Variants in ICE1 observed in about 807,000 individuals in gnomAD.
ICE1 encodes little elongation complex subunit 1.
ICE1 carries 64 observed loss-of-function variants against 192.7 expected under a neutral mutation model. The observed-to-expected ratio is 0.33, with a 90% confidence interval of 0.27 to 0.41. The LOEUF (loss-of-function observed/expected upper bound fraction) is 0.41, where lower values mean the gene tolerates loss of function less well. ICE1 is among the 10% of genes least tolerant of loss of function. ICE1 has a pLI of 1.00. For synonymous variants in ICE1, 1,010 were observed against 984.5 expected (o/e 1.03, Z -0.49); for missense variants, 2,708 against 2,696.0 (o/e 1.00, Z -0.10).
chr5:5,454,242 C>A (rs868515569), intron 10 of ICE1, among the ~76,000 whole-genome samples: 1 of 152,156 alleles, frequency 6.6e-6, no homozygotes, highest in South Asian at 2.1e-4. Flanking sequence ...TCATTTGTCC[C>A]ATGCATACAT....
At chr5:5,476,185 T>C (rs1169002866) in intron 17 of ICE1, 106 bp downstream of exon 17, 1 of 596,040 alleles carries the variant, frequency 1.7e-6, no homozygotes, top group Non-Finnish European at 2.8e-6. Flanking sequence ...AAATTTCTGA[T>C]TTTACAACCA....
intron 12 of ICE1, among the ~76,000 whole-genome samples, chr5:5,459,843 C>T (rs2111374760): frequency 6.6e-6 from 1 of 152,222 alleles, no homozygotes; most frequent in Non-Finnish European, 1.5e-5. Context: ...GGTTCTGGAG[C>T]AGAGGTGGCT....
At chr5:5,445,406 A>C (rs372694306) in intron 7 of ICE1, among the ~76,000 whole-genome samples, 2 of 152,062 alleles carry the variant, frequency 1.3e-5, no homozygotes, top group East Asian at 1.9e-4. Flanking sequence ...AAATTTTTTT[A>C]ATTTTTAAAC....
At position 5,461,388 on chromosome 5, in the gene ICE1, T is replaced by C; in HGVS notation, c.2054T>C (p.Leu685Pro). The change falls in exon 13 of 19, where the codon CTG becomes CCG. Residue 685 changes from leucine (L) to proline (P), a missense_variant. By Grantham distance (98) the Leu-to-Pro change is moderately conservative. Transcript: ENST00000296564. ...LQTKTLNTLH[L>P]QSEPPECSIG... is the part of the protein sequence containing the mutation. Reference sequence around the variant, plus strand: ...ACTAAAACTTTAAACACATTACATCTGCAGTCTGAGCCACCGGAGTGTTCT... The same window carrying C: ...ACTAAAACTTTAAACACATTACATCCGCAGTCTGAGCCACCGGAGTGTTCT... 6.2e-7 allele frequency: 1 copy of C among 1,613,956 alleles called. No homozygotes were observed. Among genetic ancestry groups the C allele is most frequent in the Admixed American group, 1.7e-5 (1 of 60,022 alleles).
intron 16 of ICE1, among the ~76,000 whole-genome samples, chr5:5,475,391 A>G (rs1333747505): frequency 3.3e-5 from 5 of 152,212 alleles, no homozygotes; most frequent in Non-Finnish European, 7.3e-5. Context: ...TCTTTTGTCT[A>G]CATTAAACTT....
intron 17 of ICE1, among the ~76,000 whole-genome samples, chr5:5,480,361 T>G (rs1739470693): frequency 6.6e-6 from 1 of 150,814 alleles, no homozygotes; most frequent in East Asian, 2.0e-4. Context: ...GCCATTCTCC[T>G]GCCTCAGCTT....
chr5:5,437,933 T>C (rs1331176866), intron 3 of ICE1: 1 of 152,288 alleles, frequency 6.6e-6, no homozygotes. Context: ...ATATGATTTA[T>C]GTCATACCTG....
chr5:5,470,110 A>G (rs955390073), intron 15 of ICE1, among the ~76,000 whole-genome samples: 4 of 152,054 alleles, frequency 2.6e-5, no homozygotes, highest in African/African-American at 9.7e-5. Flanking sequence ...TGCCTCGAGC[A>G]TTACCTGCCC....
chr5:5,474,276 T>C (rs1016646399), intron 16 of ICE1, among the ~76,000 whole-genome samples: 5 of 152,114 alleles, frequency 3.3e-5, no homozygotes, highest in African/African-American at 4.8e-5. Flanking sequence ...TATTTTTCTT[T>C]AGTACCTGTC....
In ICE1 at chr5:5,461,679, G is replaced by C; in HGVS notation, c.2345G>C (p.Gly782Ala). The C allele has an allele frequency of 6.2e-7, 1 of 1,613,850 alleles. No individual in the cohort carries two copies. The highest frequency in any genetic ancestry group is 8.5e-7 in the Non-Finnish European group (1 of 1,179,866). The change falls in exon 13 of 19, where the codon GGT becomes GCT. Residue 782 changes from glycine (G) to alanine (A), a missense_variant. Physicochemically the swap from Gly to Ala is moderately conservative, Grantham distance 60. Transcript: ENST00000296564. ...IGSQAALIKS[G>A]LGFVKSTSWH... ...TCTCAGGCTGCCTTGATCAAGAGTG[G>C]TTTGGGTTTTGTTAAAAGTACTTCA...
At chr5:5,466,206 A>T in intron 13 of ICE1, 128 bp from the exon 14 acceptor site, 1 of 766,966 alleles carries the variant, frequency 1.3e-6, no homozygotes, top group Non-Finnish European at 2.0e-6. Context: ...ACTATGCTCT[A>T]CCTTCTGATG....
chr5:5,435,670 TTTGTTTTGTTTTTG>T (rs1205072952), intron 1 of ICE1, among the ~76,000 whole-genome samples: 15 of 115,770 alleles, frequency 1.3e-4, no homozygotes, highest in South Asian at 8.6e-4. Flanking sequence ...TTTTTTTTTT[TTTGTTTTGTTTTTG>T]TTTTTTTTTT....
intron 17 of ICE1, among the ~76,000 whole-genome samples, chr5:5,481,477 T>C (rs1279548776): frequency 6.6e-6 from 1 of 152,178 alleles, no homozygotes; most frequent in Admixed American, 6.5e-5. Flanking sequence ...CTCTTCTAAC[T>C]AGTGTTTATC....
rs888750622 is a variant in ICE1 at position 5,461,566 on chromosome 5, G to C, written c.2232G>C (p.Met744Ile). The change falls in exon 13 of 19, where the codon ATG becomes ATC. Residue 744 changes from methionine to isoleucine, a missense_variant. Physicochemically the swap from Met to Ile is conservative, Grantham distance 10 (BLOSUM62 1). Transcript: ENST00000296564. The stretch of plus-strand genomic sequence containing the variant: ...ATTCACTTCCTCGGTCAGTATTTAT[G>C]AAAGCTACAAAAGATGGGCAATGTG... ...KIHSLPRSVFMKATKDGQCES... is the reference protein window; with the variant it reads ...KIHSLPRSVFIKATKDGQCES... The C allele has an allele frequency of 1.9e-6, 3 of 1,613,026 alleles. No individual in the cohort carries two copies. Among genetic ancestry groups the C allele is most frequent in the East Asian group, 2.2e-5 (1 of 44,886 alleles).
chr5:5,468,024 G>A (rs2111390901), intron 14 of ICE1, among the ~76,000 whole-genome samples: 1 of 152,290 alleles, frequency 6.6e-6, no homozygotes, highest in East Asian at 1.9e-4. Context: ...CCATCAGCAG[G>A]TGAATGGAAA....
rs796833224 is a variant in ICE1, at chr5:5,447,965, G to A, written c.604+68G>A. The A allele has an allele frequency of 1.3e-5, 16 of 1,239,338 alleles. No homozygotes were observed. The African/African-American group carries it at 2.4e-4, about 19-fold the overall frequency. The allele number at this position is 1,239,338 out of a possible 1,614,324, so 76.8% of individuals were successfully genotyped here. On this transcript the variant is annotated intron_variant, in intron 10 of 18. Coordinates refer to ENST00000296564, the MANE Select transcript of ICE1 (RefSeq NM_015325.3). ...TTAGTGGGTTGTGAGACTGTGTTTT[G>A]CTCCTACATATAATTGTGAAAGTGC...
In ICE1 at chr5:5,466,445, C is replaced by T. The variant is rs770825015; in HGVS notation, c.6004C>T (p.Arg2002Trp). ...CTGCAGGGTGTATGTGGGTATTTGT[C>T]GGCAACTCGGAGACTTGGAAAGAGC... ...ALCRVYVGIC[R>W]QLGDLERARL... The change falls in exon 14 of 19, where the codon CGG (arginine) becomes TGG (tryptophan). Residue 2002 changes from arginine (R) to tryptophan (W), a missense_variant. Physicochemically the swap from Arg to Trp is moderately radical, Grantham distance 101. Coordinates refer to ENST00000296564, the MANE Select transcript of ICE1 (RefSeq NM_015325.3). 26 of 1,612,978 alleles carry T rather than the reference C, an allele frequency of 1.6e-5. No homozygotes were observed. Among genetic ancestry groups the T allele is most frequent in the Admixed American group, 3.3e-5 (2 of 59,876 alleles).
rs767486319 is a variant in ICE1, at chr5:5,461,558, G to A, written c.2224G>A (p.Val742Ile). The A allele has an allele frequency of 1.2e-6, 2 of 1,613,188 alleles. No individual in the cohort carries two copies. Among genetic ancestry groups the A allele is most frequent in the Non-Finnish European group, 1.7e-6 (2 of 1,179,506 alleles). ...LTKIHSLPRSVFMKATKDGQC... is the reference protein window; with the variant it reads ...LTKIHSLPRSIFMKATKDGQC... ...CAAAATACATTCACTTCCTCGGTCAGTATTTATGAAAGCTACAAAAGATGG... is the reference window on the plus strand; with the variant it reads ...CAAAATACATTCACTTCCTCGGTCAATATTTATGAAAGCTACAAAAGATGG... Residue 742 changes from valine (V) to isoleucine (I), a missense_variant, in exon 13 of 19, where the codon GTA (valine) becomes ATA (isoleucine). By Grantham distance (29) the Val-to-Ile change is conservative (BLOSUM62 3). This residue lies in a region of ICE1 where 2,366 missense variants were observed against 2,276.6 expected (regional missense o/e 1.04). Transcript: ENST00000296564.
chr5:5,460,248 G>C (rs1035278984), intron 12 of ICE1, among the ~76,000 whole-genome samples, 188 bp from the exon 13 acceptor site: 1 of 152,200 alleles, frequency 6.6e-6, no homozygotes, highest in African/African-American at 2.4e-5. Flanking sequence ...TAAGGAGAGA[G>C]CAGAACAGTG....
Sources: gnomAD v4.1 joint callset for allele counts (sites outside exome capture counted in the v4.1 genomes callset) on GRCh38, gnomAD v4.1.1 for gene constraint, gnomAD v4.1.1 regional missense constraint, MANE v1.5 for transcripts, NCBI Gene and HGNC (gene_info 2026-07-23, HGNC 2026-07-21) for gene names.